Variants in IMMP2L observed in about 807,000 individuals in gnomAD.
The protein encoded by IMMP2L is mitochondrial inner membrane protease subunit 2.
A neutral mutation model predicts 19.3 loss-of-function variants in IMMP2L; 18 were observed. That is an observed-to-expected ratio of 0.93 (90% confidence interval 0.64 to 1.38). The LOEUF (loss-of-function observed/expected upper bound fraction) is 1.38. Ranked by LOEUF, IMMP2L falls within the 40% of genes most tolerant of loss-of-function variation. The pLI, the probability that IMMP2L is intolerant of heterozygous loss-of-function variation, is 0.00. For synonymous variants in IMMP2L, 76 were observed against 73.0 expected, an observed-to-expected ratio of 1.04 and a Z score of -0.21; for missense variants, 233 against 218.2, an observed-to-expected ratio of 1.07 and a Z score of -0.43.
intron 5 of IMMP2L, among the ~76,000 whole-genome samples, chr7:110,742,370 A>G (rs1246103745): frequency 2.0e-5 from 3 of 152,236 alleles, no homozygotes; most frequent in Non-Finnish European, 4.4e-5. Flanking sequence ...TGAAAATTTT[A>G]TAAATAAAGA....
chr7:111,509,273 A>C (rs1175497908), intron 2 of IMMP2L, among the ~76,000 whole-genome samples: 1 of 152,166 alleles, frequency 6.6e-6, no homozygotes, highest in Non-Finnish European at 1.5e-5. Context: ...TTCATTAATA[A>C]GTACCCCAGA....
chr7:110,895,154 T>A (rs191141842), intron 4 of IMMP2L, among the ~76,000 whole-genome samples: 3 of 152,258 alleles, frequency 2.0e-5, no homozygotes, highest in Non-Finnish European at 4.4e-5. Context: ...AGAAGAGAGC[T>A]TTTGCAGGGT....
intron 3 of IMMP2L, among the ~76,000 whole-genome samples, chr7:110,975,303 A>C (rs1350572064): frequency 6.6e-6 from 1 of 152,118 alleles, no homozygotes; most frequent in Admixed American, 6.6e-5. Flanking sequence ...TTCTAAATTA[A>C]TATCTCATTT....
chr7:111,161,757 G>T (rs552318865), intron 3 of IMMP2L, among the ~76,000 whole-genome samples: 1 of 152,040 alleles, frequency 6.6e-6, no homozygotes, highest in African/African-American at 2.4e-5. Context: ...GTAGCGAACA[G>T]ACTTCAGGAC....
intron 3 of IMMP2L, chr7:111,124,031 T>A: frequency 6.2e-7 from 1 of 1,614,080 alleles, no homozygotes; most frequent in Non-Finnish European, 8.5e-7. Context: ...GAAATTTGTC[T>A]CCCTCTTATA....
intron 3 of IMMP2L, among the ~76,000 whole-genome samples, chr7:111,250,657 G>A (rs1323691086): frequency 6.6e-6 from 1 of 152,126 alleles, no homozygotes; most frequent in Non-Finnish European, 1.5e-5. Context: ...ATGGGGAAAG[G>A]ATTCCCTATT....
chr7:110,689,264 G>A (rs922665453), intron 5 of IMMP2L, among the ~76,000 whole-genome samples: 2 of 152,244 alleles, frequency 1.3e-5, no homozygotes, highest in African/African-American at 4.8e-5. Flanking sequence ...AAGTGAGTGT[G>A]TTTCCTTTAT....
chr7:110,946,565 G>C (rs1817267197), intron 4 of IMMP2L, among the ~76,000 whole-genome samples: 1 of 151,854 alleles, frequency 6.6e-6, no homozygotes, highest in Non-Finnish European at 1.5e-5. Context: ...CCAAAAATAA[G>C]ATTATATAAC....
intron 1 of IMMP2L, among the ~76,000 whole-genome samples, chr7:111,555,018 C>T (rs757927361): frequency 2.0e-5 from 3 of 152,110 alleles, no homozygotes; most frequent in Non-Finnish European, 4.4e-5. Flanking sequence ...ATAAATAACT[C>T]CCACTAGCTT....
intron 4 of IMMP2L, among the ~76,000 whole-genome samples, chr7:110,931,385 CT>C (rs1168662600): frequency 6.6e-6 from 1 of 152,108 alleles, no homozygotes; most frequent in Non-Finnish European, 1.5e-5. Flanking sequence ...GTCAATGACC[CT>C]TTTTCCTGCC....
At chr7:111,242,634 G>A (rs1034308222) in intron 3 of IMMP2L, among the ~76,000 whole-genome samples, 2 of 151,986 alleles carry the variant, frequency 1.3e-5, no homozygotes, top group Non-Finnish European at 2.9e-5. Flanking sequence ...CTTGCTGGGA[G>A]CTTTATTACA....
chr7:111,440,747 C>T (rs1193479748), intron 3 of IMMP2L, among the ~76,000 whole-genome samples: 2 of 151,832 alleles, frequency 1.3e-5, no homozygotes, highest in African/African-American at 4.9e-5. Flanking sequence ...ATGCACTGAC[C>T]TCTCCTCTGT....
At chr7:111,418,536 C>T (rs58950062) in intron 3 of IMMP2L, among the ~76,000 whole-genome samples, 3,544 of 151,826 alleles carry the variant, frequency 0.023, 235 homozygotes, top group African/African-American at 0.082. Flanking sequence ...AAAGCTCACA[C>T]CTCACTAGCA....
chr7:110,731,944 C>G (rs144929423), intron 5 of IMMP2L, among the ~76,000 whole-genome samples: 333 of 152,288 alleles, frequency 2.2e-3, no homozygotes, highest in African/African-American at 5.5e-3. Context: ...GAGACACAAA[C>G]AGCTCACCAG....
chr7:110,903,183 T>C (rs1812076246), intron 4 of IMMP2L, among the ~76,000 whole-genome samples: 1 of 152,148 alleles, frequency 6.6e-6, no homozygotes. Flanking sequence ...TAACACTGAT[T>C]ACGGGGCAAT....
At chr7:111,373,302 C>G (rs919655855) in intron 3 of IMMP2L, among the ~76,000 whole-genome samples, 7 of 151,990 alleles carry the variant, frequency 4.6e-5, no homozygotes, top group Admixed American at 2.6e-4. Flanking sequence ...AGTGTGGCAT[C>G]TGAGGAATAA....
chr7:111,075,380 G>A (rs1795313287), intron 3 of IMMP2L, among the ~76,000 whole-genome samples: 1 of 152,060 alleles, frequency 6.6e-6, no homozygotes, highest in Non-Finnish European at 1.5e-5. Context: ...CAACCGCCTT[G>A]GCCTCCCAAA....
In IMMP2L at chr7:111,487,408, T is replaced by C. The variant is rs1219313993; in HGVS notation, c.136-67A>G. On this transcript the variant is annotated intron_variant, in intron 2 of 5. Coordinates refer to ENST00000405709, the MANE Select transcript of IMMP2L (RefSeq NM_032549.4). ...TTTCAATCTTCATGGTTCTTGCACT[T>C]CACAGCTCGAGTGGACTGAAATAAA... is the stretch of plus-strand genomic sequence containing the variant. 17 of 913,694 alleles carry C rather than the reference T, an allele frequency of 1.9e-5. No individual in the cohort carries two copies. In the Admixed American group the frequency reaches 3.0e-4, roughly 16 times the overall value. The allele number at this position is 913,694 out of a possible 1,614,324, so 56.6% of individuals were successfully genotyped here. A position where few individuals can be genotyped will look rare whatever the true frequency, so the allele number is the denominator to read the frequency against.
chr7:110,679,568 C>T (rs577871955), intron 5 of IMMP2L, among the ~76,000 whole-genome samples: 25 of 152,244 alleles, frequency 1.6e-4, no homozygotes, highest in African/African-American at 5.8e-4. Flanking sequence ...GCCACCGAGA[C>T]AGACTAGATT....
Sources: gnomAD v4.1 joint callset for allele counts (sites outside exome capture counted in the v4.1 genomes callset) on GRCh38, gnomAD v4.1.1 for gene constraint, MANE v1.5 for transcripts, NCBI Gene and HGNC (gene_info 2026-07-23, HGNC 2026-07-21) for gene names.